Variants in EML2 observed in about 807,000 individuals in gnomAD.
EML2 encodes EMAP like 2, also known as echinoderm microtubule-associated protein-like 2.
A neutral mutation model predicts 84.7 loss-of-function variants in EML2; 59 were observed. That is an observed-to-expected ratio of 0.70 (90% CI 0.56 to 0.86). EML2 has a LOEUF of 0.86. Ranked by LOEUF, EML2 falls within the 40% of genes least tolerant of loss-of-function variation. EML2 has a pLI of 0.00. For synonymous variants in EML2, 352 were observed against 348.9 expected, an observed-to-expected ratio of 1.01 and a Z score of -0.10; for missense variants, 818 against 855.6, an observed-to-expected ratio of 0.96 and a Z score of 0.55.
Position 45,635,237 on chromosome 19 carries a change from C to T in EML2, c.180-766G>A, listed in dbSNP as rs548748433. Among the ~76,000 whole-genome samples the T allele has an allele frequency of 6.0e-4, 92 of 152,236 alleles. 1 individual carries two copies. In the South Asian group the frequency reaches 0.017, roughly 28 times the overall value. On this transcript the variant is annotated intron_variant, in intron 3 of 18. Transcript: ENST00000245925. ...CACTGCAACCTCCGCCTCCTGGGTT[C>T]AAGCCATTTTCCTGTCTCAGCCTCC...
At position 45,614,938 on chromosome 19, in the gene EML2, G is replaced by A. The variant is rs1327806289; in HGVS notation, c.1598-238C>T. On this transcript the variant is annotated intron_variant, in intron 16 of 18. Transcript: ENST00000245925. ...TGGCCGGGCATGGTGGCTCACGTCT[G>A]TAATCCCAGGAGGCAGCATGAGCCA... 4 of 425,952 alleles carry A rather than the reference G, an allele frequency of 9.4e-6. No homozygotes were observed. In the Admixed American group the frequency reaches 1.1e-4, roughly 11 times the overall value. 26.4% of individuals were successfully genotyped at this position (425,952 alleles called of 1,614,324 possible). A position where few individuals can be genotyped will look rare whatever the true frequency, so the allele number is the denominator to read the frequency against.
chr19:45,636,778 C>T (rs1353174541), intron 3 of EML2, among the ~76,000 whole-genome samples: 16 of 152,242 alleles, frequency 1.1e-4, no homozygotes. Context: ...GAAACCCTGT[C>T]TCTACTAAAA....
intron 9 of EML2, 141 bp from the exon 10 acceptor site, chr19:45,621,778 T>G (rs1373651010): frequency 1.0e-6 from 1 of 996,104 alleles, no homozygotes; most frequent in Non-Finnish European, 1.4e-6. Flanking sequence ...ACGGAGTCTC[T>G]CTGTTGCCCA....
intron 6 of EML2, among the ~76,000 whole-genome samples, chr19:45,630,589 A>G (rs1278752763): frequency 1.3e-5 from 2 of 150,370 alleles, no homozygotes; most frequent in African/African-American, 2.4e-5. Context: ...GGCCCTGGCC[A>G]TTTTGCAGGA....
At chr19:45,629,523 C>T (rs1860471777) in intron 7 of EML2, among the ~76,000 whole-genome samples, 1 of 151,984 alleles carries the variant, frequency 6.6e-6, no homozygotes, top group African/African-American at 2.4e-5. Flanking sequence ...AGGGTTTCTC[C>T]ATGTTGGTCA....
intron 17 of EML2, 22 bp from the exon 18 acceptor site, chr19:45,613,693 G>A (rs758234710): frequency 6.2e-7 from 1 of 1,605,330 alleles, no homozygotes; most frequent in African/African-American, 1.3e-5. Flanking sequence ...ATGAAGGGAA[G>A]TGGTAAGATG....
At chr19:45,645,296 G>T (rs1241520813), upstream of EML2, 1 of 1,533,868 alleles carries the variant, frequency 6.5e-7, no homozygotes, top group Non-Finnish European at 8.7e-7. Flanking sequence ...CAGCAGCGAG[G>T]ACGTGTCGTA....
intron 11 of EML2, 96 bp downstream of exon 11, chr19:45,621,111 G>A (rs1971635142): frequency 2.0e-6 from 3 of 1,506,174 alleles, no homozygotes; most frequent in Non-Finnish European, 2.7e-6. Context: ...GCAGGGAGGT[G>A]AGGAGAACTG....
At chr19:45,626,629 G>A in intron 8 of EML2, 76 bp downstream of exon 8, 1 of 1,506,562 alleles carries the variant, frequency 6.6e-7, no homozygotes, top group Non-Finnish European at 9.0e-7. Flanking sequence ...ACCCTCTGGG[G>A]GATCTTGCTA....
chr19:45,642,361 C>CG (rs1484810011), upstream of EML2: 1 of 1,525,734 alleles, frequency 6.6e-7, no homozygotes, highest in Non-Finnish European at 8.8e-7. Context: ...ATCTGGAAGA[C>CG]GGGGGAGTGC....
chr19:45,645,444 T>C, upstream of EML2: 1 of 1,422,884 alleles, frequency 7.0e-7, no homozygotes, highest in Non-Finnish European at 9.1e-7. Flanking sequence ...CGTTCCAGCA[T>C]CCCCAGCTCA....
At chr19:45,636,185 G>C (rs1973705654) in intron 3 of EML2, among the ~76,000 whole-genome samples, 1 of 152,086 alleles carries the variant, frequency 6.6e-6, no homozygotes, top group Admixed American at 6.6e-5. Context: ...TGCTGCCCAG[G>C]CTGGTCTCAA....
intron 3 of EML2, 100 bp from the exon 4 acceptor site, chr19:45,634,571 TA>T (rs1973496174): frequency 6.4e-6 from 6 of 936,836 alleles, no homozygotes; most frequent in South Asian, 9.9e-5. Flanking sequence ...TTTATTTATT[TA>T]TTTTTTTGAG....
chr19:45,618,962 A>AT (rs771700009), intron 12 of EML2, 98 bp downstream of exon 12: 32 of 1,321,590 alleles, frequency 2.4e-5, no homozygotes, highest in Non-Finnish European at 3.1e-5. Context: ...AAAAAAAAAA[A>AT]AGACCTTGTT....
At chr19:45,641,573 C>T (rs951014810), upstream of EML2, 10 of 1,464,010 alleles carry the variant, frequency 6.8e-6, no homozygotes, top group Non-Finnish European at 9.2e-6. Flanking sequence ...TGGCCTGGGG[C>T]ATGACTACAT....
intron 16 of EML2, 53 bp downstream of exon 16, chr19:45,615,749 A>G: frequency 2.1e-6 from 3 of 1,442,064 alleles, no homozygotes; most frequent in South Asian, 1.1e-5. Context: ...GAACTCAGGG[A>G]AGTCTGCAAA....
upstream of EML2, chr19:45,640,886 T>G (rs1974403486): frequency 1.3e-5 from 2 of 152,346 alleles, no homozygotes; most frequent in Admixed American, 1.3e-4. Flanking sequence ...GCCTCTGGAG[T>G]TGACCACGCC....
chr19:45,636,954 A>G (rs193289158), intron 3 of EML2, among the ~76,000 whole-genome samples: 16 of 152,372 alleles, frequency 1.1e-4, no homozygotes, highest in Admixed American at 8.5e-4. Flanking sequence ...TATCTGAATG[A>G]TTGTCAATAT....
chr19:45,639,252 G>T, intron 1 of EML2, 105 bp downstream of exon 1: 1 of 1,133,766 alleles, frequency 8.8e-7, no homozygotes. Context: ...AAGGGAAGGG[G>T]CGTGTCCCCA....
Sources: gnomAD v4.1 joint callset for allele counts (sites outside exome capture counted in the v4.1 genomes callset) on GRCh38, gnomAD v4.1.1 for gene constraint, MANE v1.5 for transcripts, NCBI Gene and HGNC (gene_info 2026-07-23, HGNC 2026-07-21) for gene names.